PLXNA4: variants seen among roughly 807,000 people sequenced by gnomAD.
The protein encoded by PLXNA4 is plexin-A4.
A neutral mutation model predicts 191.8 loss-of-function variants in PLXNA4; 44 were observed. The observed-to-expected ratio is 0.23, with a 90% CI of 0.18 to 0.29. The LOEUF (loss-of-function observed/expected upper bound fraction) is 0.29, where lower values mean the gene tolerates loss of function less well. PLXNA4 is among the 10% of genes least tolerant of loss of function. The pLI is 1.00. For missense variants in PLXNA4, 1,800 were observed against 2,488.8 expected (o/e 0.72, Z 5.89); for synonymous variants, 1,082 against 1,009.5 (o/e 1.07, Z -1.36).
intron 1 of PLXNA4, among the ~76,000 whole-genome samples, chr7:132,559,383 C>T (rs1800933906): frequency 6.6e-6 from 1 of 152,172 alleles, no homozygotes; most frequent in Non-Finnish European, 1.5e-5. Flanking sequence ...TACCCAGAAG[C>T]AATCCAGAGA....
At chr7:132,323,342 CA>C (rs1802249651) in intron 3 of PLXNA4, among the ~76,000 whole-genome samples, 2 of 152,224 alleles carry the variant, frequency 1.3e-5, no homozygotes, top group Admixed American at 1.3e-4. Flanking sequence ...CTACACAGTC[CA>C]TTAGGTTTTC....
intron 15 of PLXNA4, among the ~76,000 whole-genome samples, chr7:132,186,851 G>A (rs1408655190): frequency 5.3e-5 from 8 of 152,142 alleles, no homozygotes; most frequent in Non-Finnish European, 1.2e-4. Context: ...GGGGACCAGA[G>A]AGCCTACCTT....
At chr7:132,385,746 A>T (rs1420413886) in intron 3 of PLXNA4, among the ~76,000 whole-genome samples, 1 of 152,244 alleles carries the variant, frequency 6.6e-6, no homozygotes, top group African/African-American at 2.4e-5. Flanking sequence ...GCACACATGG[A>T]TGCACACACA....
intron 29 of PLXNA4, among the ~76,000 whole-genome samples, chr7:132,144,839 C>T (rs1795371485): frequency 1.3e-5 from 2 of 152,170 alleles, no homozygotes; most frequent in African/African-American, 4.8e-5. Context: ...ATTTTTCTTG[C>T]TTCTTCAGCT....
intron 4 of PLXNA4, among the ~76,000 whole-genome samples, chr7:132,246,152 T>C (rs565205056): frequency 6.6e-6 from 1 of 152,348 alleles, no homozygotes; most frequent in African/African-American, 2.4e-5. Context: ...AATTATTTCA[T>C]CTTCGGCATG....
chr7:132,255,937 G>A (rs1799416913), intron 4 of PLXNA4, among the ~76,000 whole-genome samples: 1 of 152,278 alleles, frequency 6.6e-6, no homozygotes, highest in Admixed American at 6.5e-5. Flanking sequence ...CTGATGAAAT[G>A]AGGTCAAGGT....
At chr7:132,506,926 T>C (rs570792619) in intron 2 of PLXNA4, among the ~76,000 whole-genome samples, 8 of 152,364 alleles carry the variant, frequency 5.3e-5, no homozygotes, top group Admixed American at 1.3e-4. Context: ...CTTTGCTTTC[T>C]CTATGTGTTC....
intron 4 of PLXNA4, among the ~76,000 whole-genome samples, chr7:132,273,358 G>GCACGCA (rs1800151156): frequency 6.9e-6 from 1 of 143,958 alleles, no homozygotes; most frequent in Non-Finnish European, 1.5e-5. Context: ...ACACACACAC[G>GCACGCA]CACGCACACG....
intron 3 of PLXNA4, among the ~76,000 whole-genome samples, chr7:132,408,542 C>T (rs1157063573): frequency 6.6e-6 from 1 of 152,050 alleles, no homozygotes; most frequent in African/African-American, 2.4e-5. Flanking sequence ...TGGCTCACTG[C>T]AAACTCTACC....
intron 25 of PLXNA4, among the ~76,000 whole-genome samples, chr7:132,150,888 G>T (rs76151171): frequency 0.014 from 2,200 of 152,282 alleles, 206 homozygotes; most frequent in Admixed American, 0.13. Context: ...CAGCCTGGGC[G>T]GCCATACTCA....
Position 132,368,603 on chromosome 7 carries a change from G to A in PLXNA4, c.1372-70381C>T, listed in dbSNP as rs528422623. On this transcript the variant is annotated intron_variant, in intron 3 of 31. Transcript: ENST00000321063. The stretch of plus-strand genomic sequence containing the variant: ...TGGGGCCCTCAGCTGCCTGCGCTGC[G>A]GCTCACAGCACCTGATGGACACACA... Among the ~76,000 whole-genome samples the A allele has an allele frequency of 1.2e-4, 18 of 152,304 alleles. No homozygotes were observed. The South Asian group carries it at 1.2e-3, about 11-fold the overall frequency.
intron 3 of PLXNA4, among the ~76,000 whole-genome samples, chr7:132,417,363 C>T (rs952132092): frequency 6.6e-6 from 1 of 152,198 alleles, no homozygotes; most frequent in African/African-American, 2.4e-5. Context: ...GGGCTGCCTC[C>T]TCTGCTTCTT....
In PLXNA4 at chr7:132,328,571, A is replaced by AC; in HGVS notation, c.1372-30350dup. Among the ~76,000 whole-genome samples, 3 of 152,344 alleles carry AC rather than the reference A, an allele frequency of 2.0e-5. No homozygotes were observed. In the Middle Eastern group the frequency reaches 0.01, roughly 518 times the overall value. ...GCTGTTGACTCTGGGAGCAATTATG[A>AC]CCAGGGCCATGAGGTTCAACAGATT... On this transcript the variant is annotated intron_variant, in intron 3 of 31. Coordinates refer to ENST00000321063, the MANE Select transcript of PLXNA4 (RefSeq NM_020911.2).
chr7:132,327,288 A>G (rs2116675139), intron 3 of PLXNA4, among the ~76,000 whole-genome samples: 1 of 152,282 alleles, frequency 6.6e-6, no homozygotes, highest in Non-Finnish European at 1.5e-5. Context: ...GCATCCCATA[A>G]TTTGACATTT....
intron 18 of PLXNA4, 54 bp downstream of exon 18, chr7:132,181,327 C>T (rs1301380338): frequency 1.2e-6 from 2 of 1,605,474 alleles, no homozygotes; most frequent in East Asian, 4.5e-5. Flanking sequence ...ACACCCCCTT[C>T]CATGCAGCAG....
At chr7:132,360,374 T>C (rs1168446776) in intron 3 of PLXNA4, among the ~76,000 whole-genome samples, 1 of 152,156 alleles carries the variant, frequency 6.6e-6, no homozygotes, top group Non-Finnish European at 1.5e-5. Context: ...GCTCTGTCAA[T>C]TATTCATCCC....
chr7:132,348,764 G>A (rs1803355137), intron 3 of PLXNA4, among the ~76,000 whole-genome samples: 1 of 152,322 alleles, frequency 6.6e-6, no homozygotes, highest in East Asian at 1.9e-4. Flanking sequence ...GAAGTATTTG[G>A]GCTAAACCCT....
intron 3 of PLXNA4, among the ~76,000 whole-genome samples, chr7:132,486,551 T>C (rs536344937): frequency 1.3e-5 from 2 of 152,308 alleles, no homozygotes; most frequent in African/African-American, 4.8e-5. Context: ...ACTCCAAGCC[T>C]GCAGAGCAGA....
chr7:132,338,486 A>G (rs1473280874), intron 3 of PLXNA4, among the ~76,000 whole-genome samples: 2 of 152,274 alleles, frequency 1.3e-5, no homozygotes, highest in Admixed American at 1.3e-4. Context: ...ATATGATGTC[A>G]GTAAAAATGA....
Sources: gnomAD v4.1 joint callset for allele counts (sites outside exome capture counted in the v4.1 genomes callset) on GRCh38, gnomAD v4.1.1 for gene constraint, MANE v1.5 for transcripts, NCBI Gene and HGNC (gene_info 2026-07-23, HGNC 2026-07-21) for gene names.